The following DMD variants were observed in gnomAD, a reference collection of about 807,000 sequenced individuals.
DMD encodes dystrophin.
DMD carries 63 observed loss-of-function variants against 330.1 expected under a neutral mutation model. The observed-to-expected ratio is 0.19, with a 90% confidence interval of 0.16 to 0.24. The LOEUF (loss-of-function observed/expected upper bound fraction) is 0.24, where lower values mean the gene tolerates loss of function less well. DMD is among the 10% of genes least tolerant of loss of function. The pLI is 1.00. For synonymous variants in DMD, 1,223 were observed against 959.8 expected (o/e 1.27, Z -5.07); for missense variants, 3,344 against 2,684.1 (o/e 1.25, Z -5.43).
intron 34 of DMD, among the ~76,000 whole-genome samples, chrX:32,376,445 A>G (rs1479149599): frequency 9.0e-6 from 1 of 111,503 alleles, no homozygotes; most frequent in African/African-American, 3.3e-5. Context: ...TGTGTATTTT[A>G]TGGTAGGCCT....
At chrX:32,738,374 A>T (rs1182540430) in intron 7 of DMD, among the ~76,000 whole-genome samples, 1 of 111,725 alleles carries the variant, frequency 9.0e-6, no homozygotes. Flanking sequence ...ATTCAAATCC[A>T]ATCTCTACTT....
chrX:31,659,769 A>G lies in DMD; in HGVS notation c.7873-1625T>C, dbSNP rs774688971. On this transcript the variant is annotated intron_variant, in intron 53 of 78. Transcript: ENST00000357033. Reference sequence around the variant, plus strand: ...AAATGTGCACAGTAATCACTGTAAAAAGAGCACAATTTTCTTGTGTAAAAA... The same window carrying G: ...AAATGTGCACAGTAATCACTGTAAAGAGAGCACAATTTTCTTGTGTAAAAA... Among the ~76,000 whole-genome samples the G allele has an allele frequency of 8.1e-5, 9 of 111,025 alleles. No individual in the cohort carries two copies. In the South Asian group the frequency reaches 3.1e-3, roughly 38 times the overall value.
intron 2 of DMD, among the ~76,000 whole-genome samples, chrX:32,898,742 T>C (rs1357794305): frequency 1.8e-5 from 2 of 111,323 alleles, no homozygotes; most frequent in Non-Finnish European, 3.8e-5. Flanking sequence ...GGGATCACTT[T>C]TGTTGCCATC....
In DMD at chrX:31,878,538, C is replaced by T. The variant is rs2094003482; in HGVS notation, c.6913-3165G>A. Among the ~76,000 whole-genome samples, 3 of 111,584 alleles carry T rather than the reference C, an allele frequency of 2.7e-5. No homozygotes were observed. The South Asian group carries it at 1.1e-3, about 42-fold the overall frequency. The stretch of plus-strand genomic sequence containing the variant: ...CAGTAAACTGGACTATATAAAAAAT[C>T]AAAAGCTTCTGCACGACCAAAAGAG... On this transcript the variant is annotated intron_variant, in intron 47 of 78. Coordinates refer to ENST00000357033, the MANE Select transcript of DMD (RefSeq NM_004006.3).
At chrX:31,985,951 T>A (rs1315115397) in intron 44 of DMD, among the ~76,000 whole-genome samples, 1 of 111,900 alleles carries the variant, frequency 8.9e-6, no homozygotes, top group Non-Finnish European at 1.9e-5. Context: ...ATTAACTACT[T>A]ATCCAGATGG....
At position 32,475,114 on chromosome X, in the gene DMD, T is replaced by C. The variant is rs776126365; in HGVS notation, c.2804-2805A>G. ...CCAGCACCATTTGATGAAAAGGGTG[T>C]CCTTTCTTTACTGTATGTTTTTGTT... On this transcript the variant is annotated intron_variant, in intron 21 of 78. Transcript: ENST00000357033. 2.7e-5 allele frequency among the ~76,000 whole-genome samples: 3 copies of C among 111,389 alleles called. No homozygotes were observed. The East Asian group carries it at 8.5e-4, about 31-fold the overall frequency.
intron 50 of DMD, among the ~76,000 whole-genome samples, chrX:31,782,161 G>A (rs2091046241): frequency 9.0e-6 from 1 of 111,310 alleles, no homozygotes; most frequent in South Asian, 3.8e-4. Context: ...CAACATCTCT[G>A]CTGGAGAGTA....
At chrX:32,637,400 G>C (rs1376885588) in intron 11 of DMD, among the ~76,000 whole-genome samples, 2 of 111,888 alleles carry the variant, frequency 1.8e-5, no homozygotes, top group Admixed American at 1.9e-4. Flanking sequence ...AGATTAAAAT[G>C]TCAACTTCTA....
intron 64 of DMD, among the ~76,000 whole-genome samples, chrX:31,218,724 A>C (rs1249844862): frequency 9.0e-6 from 1 of 111,695 alleles, no homozygotes; most frequent in African/African-American, 3.3e-5. Context: ...TCCACTTCTA[A>C]GGCATTTCTT....
intron 44 of DMD, among the ~76,000 whole-genome samples, chrX:32,192,635 T>G (rs899339033): frequency 3.6e-5 from 4 of 112,278 alleles, no homozygotes; most frequent in African/African-American, 1.3e-4. Flanking sequence ...CTTTTACTTT[T>G]GTCGCCCAGT....
At chrX:31,169,639 C>G in intron 73 of DMD, 38 bp from the exon 74 acceptor site, 1 of 1,147,089 alleles carries the variant, frequency 8.7e-7, no homozygotes, top group Non-Finnish European at 1.2e-6. Context: ...TTTTTCCCCC[C>G]CTTATTTTGC....
chrX:32,210,462 G>C (rs760978902), intron 44 of DMD, among the ~76,000 whole-genome samples: 2 of 112,218 alleles, frequency 1.8e-5, no homozygotes, highest in African/African-American at 3.2e-5. Context: ...ATCAGCATTT[G>C]AATCTCAGCA....
intron 9 of DMD, among the ~76,000 whole-genome samples, chrX:32,663,115 T>C (rs1007103405): frequency 1.8e-5 from 2 of 111,957 alleles, no homozygotes; most frequent in African/African-American, 6.5e-5. Context: ...AGATTGATGA[T>C]AATCTTGAGT....
chrX:31,720,940 A>T (rs1266936786), intron 52 of DMD, among the ~76,000 whole-genome samples: 1 of 111,925 alleles, frequency 8.9e-6, no homozygotes, highest in East Asian at 2.8e-4. Flanking sequence ...AATGAAATAC[A>T]TTTATGAAAA....
At chrX:31,886,858 T>G (rs746031443) in intron 47 of DMD, among the ~76,000 whole-genome samples, 36 of 112,412 alleles carry the variant, frequency 3.2e-4, no homozygotes, top group Middle Eastern at 4.6e-3. Context: ...TATGTGCTTC[T>G]TTTAAAAAAG....
At chrX:31,568,106 T>TTG (rs1413649077) in intron 55 of DMD, among the ~76,000 whole-genome samples, 4 of 111,857 alleles carry the variant, frequency 3.6e-5, no homozygotes, top group African/African-American at 1.3e-4. Flanking sequence ...TTTCTCTTAT[T>TTG]GATTTCTAGC....
At chrX:31,587,464 A>G (rs2076664447) in intron 55 of DMD, among the ~76,000 whole-genome samples, 1 of 112,561 alleles carries the variant, frequency 8.9e-6, no homozygotes, top group Non-Finnish European at 1.9e-5. Flanking sequence ...ATCAATTTAA[A>G]CAAGATAATT....
intron 44 of DMD, among the ~76,000 whole-genome samples, chrX:31,971,397 A>AGAT (rs1206116295): frequency 8.9e-6 from 1 of 112,001 alleles, no homozygotes; most frequent in Non-Finnish European, 1.9e-5. Context: ...CCCAAATAAG[A>AGAT]GATAGAATTG....
At chrX:31,602,321 G>GTT (rs773800072) in intron 55 of DMD, among the ~76,000 whole-genome samples, 84 of 91,837 alleles carry the variant, frequency 9.1e-4, no homozygotes, top group African/African-American at 2.6e-3. Flanking sequence ...CCTTTCTCCA[G>GTT]TTTTTTTTTT....
Sources: gnomAD v4.1 joint callset for allele counts (sites outside exome capture counted in the v4.1 genomes callset) on GRCh38, gnomAD v4.1.1 for gene constraint, MANE v1.5 for transcripts, NCBI Gene and HGNC (gene_info 2026-07-23, HGNC 2026-07-21) for gene names.